MLXIPL: variants seen among roughly 807,000 people sequenced by gnomAD.
MLXIPL encodes MLX interacting protein like, also known as carbohydrate-responsive element-binding protein.
A neutral mutation model predicts 81.5 loss-of-function variants in MLXIPL; 49 were observed. The observed-to-expected ratio is 0.60, with a 90% CI of 0.48 to 0.76. The LOEUF (loss-of-function observed/expected upper bound fraction) is 0.76. MLXIPL is among the 30% of genes least tolerant of loss of function. MLXIPL has a pLI of 0.00. For synonymous variants in MLXIPL, 466 were observed against 485.5 expected (o/e 0.96, Z 0.53); for missense variants, 1,053 against 1,167.0 (o/e 0.90, Z 1.42).
the MLXIPL span, among the ~76,000 whole-genome samples, chr7:73,638,488 G>T: frequency 2.6e-5 from 4 of 152,030 alleles, no homozygotes; most frequent in East Asian, 1.9e-4. Flanking sequence ...CGCCATGTTG[G>T]CCAGGCTGGT....
the MLXIPL span, among the ~76,000 whole-genome samples, chr7:73,647,037 G>A: frequency 2.6e-5 from 4 of 152,224 alleles, 1 homozygote; most frequent in African/African-American, 9.6e-5. Context: ...ACCTTCCCAT[G>A]TCACGGAGGG....
At chr7:73,632,955 A>G in the MLXIPL span, among the ~76,000 whole-genome samples, 12 of 149,792 alleles carry the variant, frequency 8.0e-5, no homozygotes, top group Admixed American at 7.4e-4. Context: ...AATTTTTTGT[A>G]TTTTTAGTAG....
the MLXIPL span, among the ~76,000 whole-genome samples, chr7:73,646,842 G>C: frequency 6.6e-6 from 1 of 152,038 alleles, no homozygotes. Context: ...GCAAAGTGGG[G>C]ACCAGCTCAG....
rs781834629 is a variant in MLXIPL at position 73,595,903 on chromosome 7, C to T, written c.2125G>A (p.Gly709Ser). 67 of 1,613,128 alleles carry T rather than the reference C, an allele frequency of 4.2e-5. No individual in the cohort carries two copies. The highest frequency in any genetic ancestry group is 4.8e-5 in the Non-Finnish European group (57 of 1,179,906). ...YILMLQQERA[G>S]LQEEAQQLRD... ...AGCTGCTGGGCCTCCTCCTGCAAGC[C>T]CGCACGCTCCTGCTGTAGCATAAGG... Residue 709 changes from glycine (G) to serine (S), a missense_variant, in exon 14 of 17, where the codon GGC (glycine) becomes AGC (serine). Around this residue, in one of 3 missense-constraint regions of MLXIPL, gnomAD observed 823 missense variants for 933.0 expected, o/e 0.88. Transcript: ENST00000313375.
In MLXIPL at chr7:73,624,247, G is replaced by A. The variant is rs1554602999; in HGVS notation, c.246C>T (p.Ile82=). The A allele has an allele frequency of 6.3e-7, 1 of 1,597,290 alleles. No homozygotes were observed. Among genetic ancestry groups the A allele is most frequent in the East Asian group, 2.3e-5 (1 of 44,080 alleles). Residue 82 remains isoleucine (I), a synonymous_variant, in exon 1 of 17, where the codon ATC becomes ATT. Transcript: ENST00000313375. The stretch of plus-strand genomic sequence containing the variant: ...CGAAGAGGCGTGTGAGTGTGGGGTC[G>A]ATACTGCGCGGCCCGAAGTCGGAGG... ...VGPSDFGPRS[I]DPTLTRLFEC... is the part of the protein sequence containing the mutation.
At chr7:73,626,450 A>G (rs1294206346), upstream of MLXIPL, among the ~76,000 whole-genome samples, 2 of 150,456 alleles carry the variant, frequency 1.3e-5, no homozygotes, top group Non-Finnish European at 3.0e-5. Context: ...CTACAGGCTC[A>G]TGCCACCAAA....
chr7:73,636,068 G>A, the MLXIPL span, among the ~76,000 whole-genome samples: 5 of 152,178 alleles, frequency 3.3e-5, no homozygotes, highest in Admixed American at 2.6e-4. Flanking sequence ...AGCCCAGGGG[G>A]TTAAGGAAGG....
In MLXIPL at chr7:73,623,530, C is replaced by T. The variant is rs962518118; in HGVS notation, c.293+670G>A. On this transcript the variant is annotated intron_variant, in intron 1 of 16. Transcript: ENST00000313375. The surrounding 1 kb of genome is among the most constrained non-coding windows in gnomAD (Gnocchi z 5.7). The stretch of plus-strand genomic sequence containing the variant: ...TAGTGTGGCGACGTGGGTAGGCGAA[C>T]CCAGGCCTCCCGGGCACCGGCGTAA... 1.3e-5 allele frequency among the ~76,000 whole-genome samples: 2 copies of T among 152,238 alleles called. No individual in the cohort carries two copies. Among genetic ancestry groups the T allele is most frequent in the African/African-American group, 4.8e-5 (2 of 41,554 alleles).
the MLXIPL span, among the ~76,000 whole-genome samples, chr7:73,647,751 G>T: frequency 6.6e-5 from 10 of 151,958 alleles, no homozygotes. Flanking sequence ...CCCACCTGAT[G>T]ACGCGGGGGC....
At chr7:73,599,484 C>G (rs782267851) in intron 8 of MLXIPL, 42 bp downstream of exon 8, 2 of 1,609,408 alleles carry the variant, frequency 1.2e-6, no homozygotes, top group East Asian at 4.5e-5. Context: ...GAACAGCTCT[C>G]AAGTGAGCTA....
intron 2 of MLXIPL, 105 bp downstream of exon 2, chr7:73,615,966 A>T: frequency 7.1e-6 from 5 of 707,532 alleles, no homozygotes; most frequent in East Asian, 3.2e-5. Flanking sequence ...GCTGGCCTTG[A>T]GGACCCCGGG....
At chr7:73,647,314 C>G in the MLXIPL span, among the ~76,000 whole-genome samples, 1 of 152,190 alleles carries the variant, frequency 6.6e-6, no homozygotes, top group Non-Finnish European at 1.5e-5. Flanking sequence ...AGTTTTGGTC[C>G]TCCTCATCCC....
the MLXIPL span, among the ~76,000 whole-genome samples, chr7:73,637,267 C>G: frequency 6.6e-6 from 1 of 151,866 alleles, no homozygotes; most frequent in East Asian, 1.9e-4. Flanking sequence ...CACTTGAGGT[C>G]AGGAGTTCCA....
the MLXIPL span, among the ~76,000 whole-genome samples, chr7:73,631,514 G>T: frequency 6.7e-6 from 1 of 149,540 alleles, no homozygotes; most frequent in African/African-American, 2.5e-5. Context: ...TAGCCTCAGG[G>T]TGACTAGAAG....
chr7:73,603,499 C>G lies in MLXIPL; in HGVS notation c.901+2189G>C, dbSNP rs552945059. ...TTCTGCCCCTGGGCAGCCCCCACCC[C>G]CTCCCGGGACTGGAACAGGGGTGGG... On this transcript the variant is annotated intron_variant, in intron 7 of 16. Coordinates refer to ENST00000313375, the MANE Select transcript of MLXIPL (RefSeq NM_032951.3). Among the ~76,000 whole-genome samples the G allele has an allele frequency of 1.5e-3, 230 of 152,328 alleles. 1 individual carries two copies. The highest frequency in any genetic ancestry group is 2.9e-3 in the Non-Finnish European group (195 of 68,026).
rs907568146 is a variant in MLXIPL at position 73,614,239 on chromosome 7, C to T, written c.400+1832G>A. ...TATTAAAAAACAAAACAAAACCAAA[C>T]AAACCCCCCCCACCGCCATAATTTG... On this transcript the variant is annotated intron_variant, in intron 2 of 16. Coordinates refer to ENST00000313375, the MANE Select transcript of MLXIPL (RefSeq NM_032951.3). Among the ~76,000 whole-genome samples, 5 of 151,928 alleles carry T rather than the reference C, an allele frequency of 3.3e-5. No homozygotes were observed. In the South Asian group the frequency reaches 1.0e-3, roughly 32 times the overall value.
rs200391124 is a variant in MLXIPL at position 73,597,248 on chromosome 7, C to T, written c.1537G>A (p.Ala513Thr). The change falls in exon 9 of 17, where the codon GCC becomes ACC. Residue 513 changes from alanine to threonine, a missense_variant. Ala to Thr is a moderately conservative substitution (Grantham distance 58, BLOSUM62 0). Transcript: ENST00000313375. ...GCAGTGGTGGGGGGACTGGCAGTGG[C>T]AGGGGCTAAGGTAGGGGGGCTGGCT... ...QKASPPTLAP[A>T]TASPPTTAGS... The T allele has an allele frequency of 4.3e-4, 682 of 1,599,880 alleles. 2 individuals carry two copies. The African/African-American group carries it at 6.4e-3, about 15-fold the overall frequency.
the MLXIPL span, among the ~76,000 whole-genome samples, chr7:73,643,532 A>G: frequency 1.3e-5 from 2 of 151,348 alleles, no homozygotes; most frequent in Non-Finnish European, 2.9e-5. Context: ...AAAAAAAAAG[A>G]AAGATTAGGA....
upstream of MLXIPL, among the ~76,000 whole-genome samples, chr7:73,626,531 G>A (rs1796759336): frequency 6.6e-6 from 1 of 151,716 alleles, no homozygotes; most frequent in Non-Finnish European, 1.5e-5. Context: ...GATTACAAGT[G>A]TGAGCCACTG....
Sources: gnomAD v4.1 joint callset for allele counts (sites outside exome capture counted in the v4.1 genomes callset) on GRCh38, gnomAD v4.1.1 for gene constraint, gnomAD v4.1.1 regional missense constraint, Gnocchi (gnomAD v3.1) non-coding constraint, MANE v1.5 for transcripts, NCBI Gene and HGNC (gene_info 2026-07-23, HGNC 2026-07-21) for gene names.